The following MAN1C1 variants were observed in gnomAD, a reference collection of about 807,000 sequenced individuals.
MAN1C1 encodes the protein mannosyl-oligosaccharide 1,2-alpha-mannosidase IC.
In MAN1C1, 49 loss-of-function variants were observed where a neutral mutation model predicts 71.5. That is an observed-to-expected ratio of 0.69 (90% CI 0.54 to 0.87). The LOEUF (loss-of-function observed/expected upper bound fraction) is 0.87, where lower values mean the gene tolerates loss of function less well. Ranked by LOEUF, MAN1C1 falls within the 40% of genes least tolerant of loss-of-function variation. MAN1C1 has a pLI of 0.00. For missense variants in MAN1C1, 743 were observed against 835.0 expected, an observed-to-expected ratio of 0.89 and a Z score of 1.36; for synonymous variants, 352 against 343.7, an observed-to-expected ratio of 1.02 and a Z score of -0.27.
At chr1:25,703,397 G>A (rs2004760) in intron 2 of MAN1C1, among the ~76,000 whole-genome samples, 4,684 of 152,246 alleles carry the variant, frequency 0.031, 283 homozygotes, top group East Asian at 0.18. Context: ...AGTGGGATCT[G>A]TAGGCTGGGC....
rs574273372 is a variant in MAN1C1, at chr1:25,617,634, C to T, written c.-164C>T. On this transcript the variant is annotated 5_prime_UTR_variant, in exon 1 of 12. Transcript: ENST00000374332. The surrounding 1 kb of genome is among the most constrained non-coding windows in gnomAD (Gnocchi z 5.1). ...CGCGGGAGGACTCGCTCCAAACTCC[C>T]TGAACTTCGGGGACAGTCCCCCGAA... 4.4e-4 allele frequency: 254 copies of T among 581,522 alleles called. 1 individual carries two copies. In the African/African-American group the frequency reaches 4.6e-3, roughly 11 times the overall value. The allele number at this position is 581,522 out of a possible 1,614,324, so 36.0% of individuals were successfully genotyped here.
At chr1:25,763,566 T>G in intron 6 of MAN1C1, 1 of 303,946 alleles carries the variant, frequency 3.3e-6, no homozygotes. Context: ...GAGGAAGTGT[T>G]GAGAGTTGGG....
At chr1:25,656,584 G>T (rs2045771258) in intron 1 of MAN1C1, among the ~76,000 whole-genome samples, 1 of 152,110 alleles carries the variant, frequency 6.6e-6, no homozygotes, top group African/African-American at 2.4e-5. Flanking sequence ...TCCTTCCGGG[G>T]TCTCTACCTT....
chr1:25,706,836 G>A (rs1276518830), intron 2 of MAN1C1, among the ~76,000 whole-genome samples: 1 of 152,194 alleles, frequency 6.6e-6, no homozygotes, highest in Non-Finnish European at 1.5e-5. Flanking sequence ...TTTGTCAGTG[G>A]CTCTGTCCTT....
At position 25,771,791 on chromosome 1, in the gene MAN1C1, T is replaced by C. The variant is rs748227338; in HGVS notation, c.1257+19T>C. 17 of 1,587,190 alleles carry C rather than the reference T, an allele frequency of 1.1e-5. No individual in the cohort carries two copies. The East Asian group carries it at 3.8e-4, about 35-fold the overall frequency. Reference sequence around the variant, plus strand: ...CTTGGAGGTAAGACAAGCCCTGGATTATTCACAGGCCGCTGGTCACCAGCC... The same window carrying C: ...CTTGGAGGTAAGACAAGCCCTGGATCATTCACAGGCCGCTGGTCACCAGCC... On this transcript the variant is annotated intron_variant, in intron 8 of 11. Transcript: ENST00000374332.
At chr1:25,758,112 C>T (rs893601343) in intron 5 of MAN1C1, among the ~76,000 whole-genome samples, 5 of 152,158 alleles carry the variant, frequency 3.3e-5, no homozygotes, top group Non-Finnish European at 7.4e-5. Flanking sequence ...AAGAGCTAGG[C>T]GGGGACTCTG....
chr1:25,648,763 T>C (rs1380712501), intron 1 of MAN1C1, among the ~76,000 whole-genome samples: 2 of 152,214 alleles, frequency 1.3e-5, no homozygotes, highest in African/African-American at 4.8e-5. Flanking sequence ...TGAAAATCTA[T>C]TTCTCTTACA....
At chr1:25,641,179 C>T (rs966903093) in intron 1 of MAN1C1, among the ~76,000 whole-genome samples, 2 of 152,172 alleles carry the variant, frequency 1.3e-5, no homozygotes, top group Non-Finnish European at 2.9e-5. Flanking sequence ...TCCCAGTGCG[C>T]GGGGTATTCT....
intron 2 of MAN1C1, among the ~76,000 whole-genome samples, chr1:25,691,400 T>G (rs180914233): frequency 2.4e-4 from 37 of 152,354 alleles, no homozygotes; most frequent in Admixed American, 1.0e-3. Flanking sequence ...CTGCATGACC[T>G]TGGGCGAGTT....
At chr1:25,706,699 T>C (rs2046528443) in intron 2 of MAN1C1, among the ~76,000 whole-genome samples, 1 of 152,210 alleles carries the variant, frequency 6.6e-6, no homozygotes, top group Non-Finnish European at 1.5e-5. Flanking sequence ...TGGGCAAATC[T>C]AAGGCCAGGG....
In MAN1C1 at chr1:25,746,772, C is replaced by T. The variant is rs1298606500; in HGVS notation, c.742C>T (p.His248Tyr). ...EAKAWVGESF[H>Y]LNVSGEASLF... ...CAAGGCCTGGGTGGGAGAGAGCTTC[C>T]ACCTGAACGTGGTGAGTCAGAGGCC... The change falls in exon 3 of 12, where the codon CAC becomes TAC. Residue 248 changes from histidine to tyrosine, a missense_variant. By Grantham distance (83) the His-to-Tyr change is moderately conservative (BLOSUM62 2). Transcript: ENST00000374332. The surrounding 1 kb of genome is among the most constrained non-coding windows in gnomAD (Gnocchi z 4.0). 6.2e-7 allele frequency: 1 copy of T among 1,606,312 alleles called. No individual in the cohort carries two copies. Among genetic ancestry groups the T allele is most frequent in the Non-Finnish European group, 8.5e-7 (1 of 1,175,322 alleles).
intron 2 of MAN1C1, among the ~76,000 whole-genome samples, chr1:25,739,257 G>T (rs2047024313): frequency 6.6e-6 from 1 of 152,192 alleles, no homozygotes; most frequent in African/African-American, 2.4e-5. Context: ...CACAAGAAAA[G>T]CTTCGTTCTT....
intron 1 of MAN1C1, among the ~76,000 whole-genome samples, chr1:25,633,953 G>T (rs1415024729): frequency 3.3e-5 from 5 of 152,208 alleles, no homozygotes; most frequent in Non-Finnish European, 7.4e-5. Context: ...AGCATTTCTT[G>T]TAGGGCTGGT....
intron 1 of MAN1C1, among the ~76,000 whole-genome samples, chr1:25,669,709 G>A (rs1237766654): frequency 6.6e-6 from 1 of 152,210 alleles, no homozygotes; most frequent in Non-Finnish European, 1.5e-5. Flanking sequence ...AAGCCTAGGA[G>A]TTTGAGGCTG....
At chr1:25,673,026 G>A (rs2982313) in intron 1 of MAN1C1, among the ~76,000 whole-genome samples, 65,001 of 151,762 alleles carry the variant, frequency 0.43, 18,756 homozygotes, top group African/African-American at 0.8. Flanking sequence ...ATTACAGACA[G>A]TCAGATGACA....
intron 3 of MAN1C1, among the ~76,000 whole-genome samples, chr1:25,749,009 A>G (rs968767234): frequency 5.5e-4 from 84 of 152,230 alleles, no homozygotes; most frequent in African/African-American, 2.0e-3. Context: ...TGCTGCCATC[A>G]TCTCAGCAAG....
At chr1:25,759,696 C>T (rs2047335680) in intron 6 of MAN1C1, 1 of 152,208 alleles carries the variant, frequency 6.6e-6, no homozygotes, top group African/African-American at 2.4e-5. Flanking sequence ...GGCTTCACTC[C>T]AGGGCCAGGC....
chr1:25,764,094 C>G lies in MAN1C1; in HGVS notation c.1141+127C>G. On this transcript the variant is annotated intron_variant, in intron 7 of 11. Coordinates refer to ENST00000374332, the MANE Select transcript of MAN1C1 (RefSeq NM_020379.4). This position sits in a 1 kb window ranked among gnomAD's most constrained non-coding sequence, Gnocchi z 4.4. ...AGAGCCATGCAGCCAGCAAGGCATTCGCTCGGTGCTCCTGGACACCACCTG... is the reference window on the plus strand; with the variant it reads ...AGAGCCATGCAGCCAGCAAGGCATTGGCTCGGTGCTCCTGGACACCACCTG... 1 of 738,692 alleles carries G rather than the reference C, an allele frequency of 1.4e-6. No homozygotes were observed. Among genetic ancestry groups the G allele is most frequent in the Non-Finnish European group, 2.3e-6 (1 of 437,306 alleles). The allele number at this position is 738,692 out of a possible 1,614,324, so 45.8% of individuals were successfully genotyped here.
At chr1:25,693,609 C>A (rs923399880) in intron 2 of MAN1C1, among the ~76,000 whole-genome samples, 2 of 152,058 alleles carry the variant, frequency 1.3e-5, no homozygotes, top group African/African-American at 4.8e-5. Flanking sequence ...CCAGCTTGGG[C>A]GACAGAATGA....
Sources: gnomAD v4.1 joint callset for allele counts (sites outside exome capture counted in the v4.1 genomes callset) on GRCh38, gnomAD v4.1.1 for gene constraint, Gnocchi (gnomAD v3.1) non-coding constraint, MANE v1.5 for transcripts, NCBI Gene and HGNC (gene_info 2026-07-23, HGNC 2026-07-21) for gene names.